CRIM1: variants seen among roughly 807,000 people sequenced by gnomAD.
The protein encoded by CRIM1 is cysteine-rich motor neuron 1 protein.
A neutral mutation model predicts 116.4 loss-of-function variants in CRIM1; 32 were observed. The observed-to-expected ratio is 0.27, with a 90% CI of 0.21 to 0.37. The LOEUF (loss-of-function observed/expected upper bound fraction) is 0.37, where lower values mean the gene tolerates loss of function less well. CRIM1 is among the 10% of genes least tolerant of loss of function. The pLI, the probability that CRIM1 is intolerant of heterozygous loss-of-function variation, is 1.00. For synonymous variants in CRIM1, 590 were observed against 509.2 expected (o/e 1.16, Z -2.13); for missense variants, 1,331 against 1,354.8 (o/e 0.98, Z 0.28).
At chr2:36,535,890 A>G (rs999924007) in intron 13 of CRIM1, among the ~76,000 whole-genome samples, 1 of 152,216 alleles carries the variant, frequency 6.6e-6, no homozygotes, top group Non-Finnish European at 1.5e-5. Flanking sequence ...TAATCTAGAG[A>G]TGGCCTAAAG....
intron 1 of CRIM1, among the ~76,000 whole-genome samples, chr2:36,361,561 G>T (rs757556479): frequency 2.6e-5 from 4 of 152,172 alleles, no homozygotes; most frequent in Non-Finnish European, 4.4e-5. Flanking sequence ...AAAGAATGAC[G>T]AATGGGAGAA....
intron 7 of CRIM1, among the ~76,000 whole-genome samples, chr2:36,481,192 A>T (rs1408713666): frequency 6.6e-6 from 1 of 152,220 alleles, no homozygotes; most frequent in Non-Finnish European, 1.5e-5. Context: ...GAAGTAAATG[A>T]AAGGAAGGCT....
At chr2:36,406,830 A>C (rs1672843701) in intron 2 of CRIM1, among the ~76,000 whole-genome samples, 1 of 152,178 alleles carries the variant, frequency 6.6e-6, no homozygotes, top group African/African-American at 2.4e-5. Flanking sequence ...GTTACATCTG[A>C]AAGTGGTATT....
intron 1 of CRIM1, among the ~76,000 whole-genome samples, chr2:36,366,878 G>T (rs1260153919): frequency 2.0e-5 from 3 of 152,316 alleles, no homozygotes; most frequent in South Asian, 4.1e-4. Flanking sequence ...ACCTGAACTA[G>T]ACTTTATGAA....
chr2:36,469,277 T>G (rs570964182), intron 5 of CRIM1, among the ~76,000 whole-genome samples: 9 of 152,266 alleles, frequency 5.9e-5, no homozygotes, highest in African/African-American at 1.9e-4. Flanking sequence ...TGAAGTAAGT[T>G]CAGAGAAAGG....
At chr2:36,466,670 TATC>T (rs1158471715) in intron 5 of CRIM1, among the ~76,000 whole-genome samples, 3 of 152,214 alleles carry the variant, frequency 2.0e-5, no homozygotes, top group Admixed American at 1.3e-4. Context: ...GTTAGCCTAT[TATC>T]TGCCTCACAG....
chr2:36,510,056 A>G lies in CRIM1; in HGVS notation c.1575A>G (p.Gln525=). Residue 525 remains glutamine, a synonymous_variant, in exon 9 of 17, where the codon CAA becomes CAG. Coordinates refer to ENST00000280527, the MANE Select transcript of CRIM1 (RefSeq NM_016441.3). ...CCTTCGGTTTCCTTACTGATGCCCA[A>G]AACTGTGAGATCTGTGAGTGCCGCC... ...NCPFGFLTDA[Q]NCEICECRPR... 2 of 1,614,202 alleles carry G rather than the reference A, an allele frequency of 1.2e-6. No homozygotes were observed. Among genetic ancestry groups the G allele is most frequent in the Non-Finnish European group, 1.7e-6 (2 of 1,180,032 alleles).
intron 2 of CRIM1, 138 bp downstream of exon 2, chr2:36,396,925 A>T (rs532217689): frequency 1.4e-6 from 1 of 710,452 alleles, no homozygotes; most frequent in African/African-American, 1.8e-5. Flanking sequence ...ACTAAGATGC[A>T]TAAAGTTTAC....
chr2:36,367,387 A>G (rs776304507), intron 1 of CRIM1, among the ~76,000 whole-genome samples: 2 of 152,216 alleles, frequency 1.3e-5, no homozygotes, highest in Non-Finnish European at 2.9e-5. Flanking sequence ...ATGTGATAAC[A>G]TGATAAAGGA....
chr2:36,413,969 A>T (rs963571401), intron 2 of CRIM1, among the ~76,000 whole-genome samples: 1 of 152,238 alleles, frequency 6.6e-6, no homozygotes, highest in South Asian at 2.1e-4. Context: ...AATATACATC[A>T]TAACAGTATG....
In CRIM1 at chr2:36,391,370, C is replaced by T. The variant is rs538451076; in HGVS notation, c.332-5244C>T. Among the ~76,000 whole-genome samples, 29 of 147,200 alleles carry T rather than the reference C, an allele frequency of 2.0e-4. No homozygotes were observed. In the South Asian group the frequency reaches 2.0e-3, roughly 10 times the overall value. The stretch of plus-strand genomic sequence containing the variant: ...GTCTCGATCTCCTGACCTCGTGATC[C>T]GCCCATCTCGGCTTCCCAAAGTGCT... On this transcript the variant is annotated intron_variant, in intron 1 of 16. Transcript: ENST00000280527.
At chr2:36,457,332 C>G (rs184234022) in intron 4 of CRIM1, among the ~76,000 whole-genome samples, 1 of 151,666 alleles carries the variant, frequency 6.6e-6, no homozygotes. Flanking sequence ...GATTCCTCCC[C>G]CCAGAAAAAA....
At chr2:36,405,233 C>T (rs1230752046) in intron 2 of CRIM1, among the ~76,000 whole-genome samples, 3 of 152,142 alleles carry the variant, frequency 2.0e-5, no homozygotes, top group Non-Finnish European at 4.4e-5. Flanking sequence ...TAAATGTGAT[C>T]TGGTGGAGCT....
chr2:36,479,048 G>C (rs1052036472), intron 6 of CRIM1, among the ~76,000 whole-genome samples: 1 of 152,182 alleles, frequency 6.6e-6, no homozygotes, highest in Non-Finnish European at 1.5e-5. Context: ...ATGAGATAGA[G>C]TTTTAGAAGT....
chr2:36,489,402 C>T (rs1036216371), intron 7 of CRIM1, among the ~76,000 whole-genome samples: 71 of 152,152 alleles, frequency 4.7e-4, no homozygotes, highest in African/African-American at 2.9e-4. Context: ...CGGAGAGGGT[C>T]GGCAAGCTCA....
chr2:36,421,704 C>T (rs760908426), intron 2 of CRIM1, among the ~76,000 whole-genome samples: 5 of 152,196 alleles, frequency 3.3e-5, no homozygotes, highest in African/African-American at 4.8e-5. Flanking sequence ...AGAAGATGGC[C>T]TCTTTTCACA....
At chr2:36,470,528 A>T (rs186193998) in intron 5 of CRIM1, among the ~76,000 whole-genome samples, 2 of 152,136 alleles carry the variant, frequency 1.3e-5, no homozygotes, top group Non-Finnish European at 2.9e-5. Flanking sequence ...TGCTAAATCT[A>T]CTCTGCCTGT....
chr2:36,379,425 T>C (rs1157475986), intron 1 of CRIM1, among the ~76,000 whole-genome samples: 1 of 152,244 alleles, frequency 6.6e-6, no homozygotes, highest in African/African-American at 2.4e-5. Flanking sequence ...ATGAGCCATC[T>C]GATTTGCTTC....
At chr2:36,546,929 A>T (rs1216100616) in intron 15 of CRIM1, 55 bp from the exon 16 acceptor site, 1 of 1,036,512 alleles carries the variant, frequency 9.6e-7, no homozygotes, top group African/African-American at 1.6e-5. Context: ...TCATTAAAAT[A>T]ATCCTTAACA....
Sources: allele counts gnomAD v4.1 joint callset (sites outside exome capture counted in the v4.1 genomes callset), GRCh38; gene constraint gnomAD v4.1.1; transcripts MANE v1.5; gene names NCBI Gene and HGNC (gene_info 2026-07-23, HGNC 2026-07-21).